NEK7: variants seen among roughly 807,000 people sequenced by gnomAD.
NEK7 encodes the protein serine/threonine-protein kinase Nek7.
A neutral mutation model predicts 44.6 loss-of-function variants in NEK7; 18 were observed. The observed-to-expected ratio is 0.40, with a 90% confidence interval of 0.28 to 0.60. The LOEUF (loss-of-function observed/expected upper bound fraction) is 0.60. Ranked by LOEUF, NEK7 falls within the 20% of genes least tolerant of loss-of-function variation. The pLI is 0.38. For missense variants in NEK7, 256 were observed against 366.5 expected (o/e 0.70, Z 2.46); for synonymous variants, 130 against 121.1 (o/e 1.07, Z -0.48).
chr1:198,158,605 C>G (rs1019997423), intron 1 of NEK7, among the ~76,000 whole-genome samples: 11 of 152,224 alleles, frequency 7.2e-5, no homozygotes, highest in African/African-American at 2.4e-4. Context: ...TTTGGGACAA[C>G]CGGTCAAACC....
At chr1:198,262,824 A>G (rs1015266892) in intron 4 of NEK7, among the ~76,000 whole-genome samples, 187 bp downstream of exon 4, 3 of 151,932 alleles carry the variant, frequency 2.0e-5, no homozygotes, top group African/African-American at 7.2e-5. Context: ...GTTAAATAAC[A>G]TAATCAGAAC....
chr1:198,273,629 A>C (rs1375854749), intron 5 of NEK7, among the ~76,000 whole-genome samples: 1 of 151,700 alleles, frequency 6.6e-6, no homozygotes, highest in Non-Finnish European at 1.5e-5. Context: ...TGTTTGACCT[A>C]ATTACAAACT....
At chr1:198,227,365 A>G (rs574765390) in intron 1 of NEK7, among the ~76,000 whole-genome samples, 2 of 152,158 alleles carry the variant, frequency 1.3e-5, no homozygotes, top group Non-Finnish European at 2.9e-5. Context: ...ATGATTTATA[A>G]TCCTTTGGGT....
chr1:198,160,627 G>C (rs1664077076), intron 1 of NEK7, among the ~76,000 whole-genome samples: 1 of 152,124 alleles, frequency 6.6e-6, no homozygotes, highest in South Asian at 2.1e-4. Flanking sequence ...TAAATATATA[G>C]CAAGATGTTT....
chr1:198,237,413 A>G (rs1018797995), intron 2 of NEK7, among the ~76,000 whole-genome samples: 2 of 151,932 alleles, frequency 1.3e-5, no homozygotes, highest in African/African-American at 4.8e-5. Context: ...TGAATTCTAA[A>G]TATTTCCCTC....
chr1:198,169,253 A>G (rs1664359812), intron 1 of NEK7, among the ~76,000 whole-genome samples: 2 of 152,186 alleles, frequency 1.3e-5, no homozygotes, highest in South Asian at 4.1e-4. Context: ...TAGCTAAATG[A>G]GATGCTTCTT....
chr1:198,313,980 G>A (rs896102602), intron 9 of NEK7, among the ~76,000 whole-genome samples: 2 of 151,136 alleles, frequency 1.3e-5, no homozygotes, highest in African/African-American at 4.9e-5. Flanking sequence ...ATGTTGACCT[G>A]CCTTGCTAGA....
chr1:198,308,503 C>T (rs1655080751), intron 9 of NEK7, among the ~76,000 whole-genome samples: 1 of 152,144 alleles, frequency 6.6e-6, no homozygotes, highest in Non-Finnish European at 1.5e-5. Flanking sequence ...TTCAGATACC[C>T]TGGTGAATAT....
intron 1 of NEK7, among the ~76,000 whole-genome samples, chr1:198,202,141 C>T (rs766468948): frequency 3.3e-4 from 50 of 152,166 alleles, no homozygotes; most frequent in Non-Finnish European, 5.7e-4. Context: ...ATAACTCAGA[C>T]GTAGCCTCAG....
chr1:198,218,028 C>T (rs1665975065), intron 1 of NEK7, among the ~76,000 whole-genome samples: 1 of 151,796 alleles, frequency 6.6e-6, no homozygotes, highest in African/African-American at 2.4e-5. Context: ...TATGAAATTC[C>T]TATGAAAATA....
intron 1 of NEK7, among the ~76,000 whole-genome samples, chr1:198,223,300 G>A (rs1666122125): frequency 6.6e-6 from 1 of 152,200 alleles, no homozygotes; most frequent in African/African-American, 2.4e-5. Context: ...AGTAGTAGTG[G>A]TAATGGAGGA....
At chr1:198,240,950 C>T (rs1447490317) in intron 2 of NEK7, among the ~76,000 whole-genome samples, 3 of 152,198 alleles carry the variant, frequency 2.0e-5, no homozygotes, top group Admixed American at 6.5e-5. Context: ...GCCTTGGCCT[C>T]CCAAAGCACT....
In NEK7 at chr1:198,250,964, T is replaced by C. The variant is rs940738415; in HGVS notation, c.58-2076T>C. The stretch of plus-strand genomic sequence containing the variant: ...GGGCATCCCTGTCTTGTGCCCGTTT[T>C]CAAAGGGAATGCTTCCAGTTTTTGC... On this transcript the variant is annotated intron_variant, in intron 2 of 9. Coordinates refer to ENST00000367385, the MANE Select transcript of NEK7 (RefSeq NM_133494.3). Among the ~76,000 whole-genome samples, 118 of 152,216 alleles carry C rather than the reference T, an allele frequency of 7.8e-4. 1 individual carries two copies. Among genetic ancestry groups the C allele is most frequent in the Admixed American group, 3.3e-4 (5 of 15,288 alleles).
intron 1 of NEK7, among the ~76,000 whole-genome samples, chr1:198,213,867 G>A (rs1665846853): frequency 1.3e-5 from 2 of 152,118 alleles, no homozygotes; most frequent in Admixed American, 6.5e-5. Flanking sequence ...CCATGGGCAT[G>A]TCCTACTAGC....
At chr1:198,234,266 C>T (rs1016772279) in intron 2 of NEK7, among the ~76,000 whole-genome samples, 2 of 151,540 alleles carry the variant, frequency 1.3e-5, no homozygotes, top group African/African-American at 4.8e-5. Flanking sequence ...TAAAAAGACC[C>T]TTTAGCTTAA....
At chr1:198,267,371 C>T (rs1653687244) in intron 5 of NEK7, among the ~76,000 whole-genome samples, 1 of 151,976 alleles carries the variant, frequency 6.6e-6, no homozygotes, top group South Asian at 2.1e-4. Flanking sequence ...TATGATATGC[C>T]AGATGTTGAT....
chr1:198,271,942 CAT>C lies in NEK7; in HGVS notation c.373-6017_373-6016del, dbSNP rs1553255002. On this transcript the variant is annotated intron_variant, in intron 5 of 9. Coordinates refer to ENST00000367385, the MANE Select transcript of NEK7 (RefSeq NM_133494.3). ...ATATATATACACACACACACACACA[CAT>C]AGATACATTTACTTAGGTACCTATA... 5.5e-5 allele frequency among the ~76,000 whole-genome samples: 8 copies of C among 146,386 alleles called. No individual in the cohort carries two copies. In the East Asian group the frequency reaches 1.2e-3, roughly 22 times the overall value.
At chr1:198,235,464 T>A (rs1324462255) in intron 2 of NEK7, among the ~76,000 whole-genome samples, 3 of 152,184 alleles carry the variant, frequency 2.0e-5, no homozygotes, top group Non-Finnish European at 4.4e-5. Context: ...ATTCTTGTTC[T>A]GTATATTTTC....
At chr1:198,311,710 G>C (rs1296024450) in intron 9 of NEK7, among the ~76,000 whole-genome samples, 35 of 152,098 alleles carry the variant, frequency 2.3e-4, no homozygotes, top group African/African-American at 4.8e-4. Context: ...TGGTTTTTCT[G>C]TTTGGTTCTG....
Sources: gnomAD v4.1 joint callset for allele counts (sites outside exome capture counted in the v4.1 genomes callset) on GRCh38, gnomAD v4.1.1 for gene constraint, MANE v1.5 for transcripts, NCBI Gene and HGNC (gene_info 2026-07-23, HGNC 2026-07-21) for gene names.